The following PPP1R13B variants were observed in gnomAD, a reference collection of about 807,000 sequenced individuals.
PPP1R13B encodes the protein protein phosphatase 1 regulatory subunit 13B, also known as apoptosis-stimulating of p53 protein 1.
PPP1R13B carries 44 observed loss-of-function variants against 119.8 expected under a neutral mutation model. The observed-to-expected ratio is 0.37, with a 90% confidence interval of 0.29 to 0.47. The LOEUF (loss-of-function observed/expected upper bound fraction) is 0.47, where lower values mean the gene tolerates loss of function less well. Among genes scored for constraint, PPP1R13B ranks in the 20% least tolerant of loss-of-function variants. The pLI is 0.99. For synonymous variants in PPP1R13B, 542 were observed against 561.5 expected, an observed-to-expected ratio of 0.97 and a Z score of 0.49; for missense variants, 1,227 against 1,413.5, an observed-to-expected ratio of 0.87 and a Z score of 2.12.
intron 2 of PPP1R13B, among the ~76,000 whole-genome samples, chr14:103,787,977 G>A (rs1799715727): frequency 6.6e-6 from 1 of 151,878 alleles, no homozygotes; most frequent in African/African-American, 2.4e-5. Context: ...GCCGGGTGTG[G>A]TGGCACACAT....
chr14:103,811,094 CAAAAAAAAA>C (rs36017203), intron 1 of PPP1R13B, among the ~76,000 whole-genome samples: 1 of 65,844 alleles, frequency 1.5e-5, no homozygotes, highest in Admixed American at 2.2e-4. Context: ...GACTCCTCCT[CAAAAAAAAA>C]AAAAAAAAAA....
At chr14:103,838,239 G>C (rs200323169) in intron 1 of PPP1R13B, among the ~76,000 whole-genome samples, 16 of 138,160 alleles carry the variant, frequency 1.2e-4, no homozygotes, top group Admixed American at 6.6e-4. Context: ...CACACACACA[G>C]ACACACACAG....
chr14:103,812,024 C>T (rs1316143626), intron 1 of PPP1R13B, among the ~76,000 whole-genome samples: 3 of 123,832 alleles, frequency 2.4e-5, no homozygotes, highest in Non-Finnish European at 4.8e-5. Context: ...TGAGCCACTA[C>T]ACTCCACCCT....
intron 1 of PPP1R13B, among the ~76,000 whole-genome samples, chr14:103,815,437 T>C (rs2086254738): frequency 6.6e-6 from 1 of 152,182 alleles, no homozygotes; most frequent in Non-Finnish European, 1.5e-5. Context: ...ATGTGAATTA[T>C]GTACCAATAA....
intron 4 of PPP1R13B, among the ~76,000 whole-genome samples, chr14:103,765,940 G>C (rs1465267176): frequency 1.3e-5 from 2 of 151,558 alleles, no homozygotes; most frequent in East Asian, 1.9e-4. Flanking sequence ...CAAGTTTACA[G>C]TTGTCTTAGA....
intron 4 of PPP1R13B, among the ~76,000 whole-genome samples, chr14:103,778,221 TG>T (rs1368694076): frequency 1.7e-5 from 2 of 119,518 alleles, no homozygotes; most frequent in Admixed American, 7.9e-5. Flanking sequence ...CCCAAAATGC[TG>T]GGATTTACAG....
chr14:103,840,484 G>C (rs148468096), intron 1 of PPP1R13B, among the ~76,000 whole-genome samples: 2 of 152,278 alleles, frequency 1.3e-5, no homozygotes, highest in East Asian at 1.9e-4. Context: ...CTAAACTCCA[G>C]GTGGAAAAAA....
chr14:103,750,493 A>C (rs949016923), intron 7 of PPP1R13B, among the ~76,000 whole-genome samples: 1 of 152,200 alleles, frequency 6.6e-6, no homozygotes, highest in African/African-American at 2.4e-5. Context: ...GTACATACAC[A>C]CTTCCGTGTG....
At position 103,749,806 on chromosome 14, in the gene PPP1R13B, C is replaced by T. The variant is rs755783209; in HGVS notation, c.957G>A (p.Gly319=). ...CTTTTTCACATGCCTGAATTTTTTTCCCATAGAGACGTTCACGCAGTTCAC... is the reference window on the plus strand; with the variant it reads ...CTTTTTCACATGCCTGAATTTTTTTTCCATAGAGACGTTCACGCAGTTCAC... The part of the protein sequence containing the change: ...RISELRERLY[G]KKIQLNRVNG... Residue 319 remains glycine, a synonymous_variant, in exon 8 of 17, where the codon GGG becomes GGA. Transcript: ENST00000202556. 1 of 1,609,468 alleles carries T rather than the reference C, an allele frequency of 6.2e-7. No homozygotes were observed. The highest frequency in any genetic ancestry group is 8.5e-7 in the Non-Finnish European group (1 of 1,178,650).
chr14:103,757,536 T>C (rs746354522), intron 5 of PPP1R13B, 114 bp downstream of exon 5: 9 of 887,862 alleles, frequency 1.0e-5, no homozygotes, highest in African/African-American at 1.7e-5. Context: ...AGCACTCCTA[T>C]GGCATGGTCC....
chr14:103,784,520 T>C (rs1595767475), intron 3 of PPP1R13B, among the ~76,000 whole-genome samples: 2 of 140,452 alleles, frequency 1.4e-5, no homozygotes, highest in Admixed American at 7.6e-5. Flanking sequence ...GAGGTGGAGG[T>C]TGCAGTGAGC....
chr14:103,740,241 C>A lies in PPP1R13B; in HGVS notation c.2175G>T (p.Leu725=), dbSNP rs1415965409. 1.6e-5 allele frequency: 26 copies of A among 1,609,460 alleles called. 1 individual carries two copies. In the Admixed American group the frequency reaches 3.7e-4, roughly 23 times the overall value. The change falls in exon 12 of 17, where the codon CTG becomes CTT. Residue 725 remains leucine, a synonymous_variant. Coordinates refer to ENST00000202556, the MANE Select transcript of PPP1R13B (RefSeq NM_015316.3). This position sits in a 1 kb window ranked among gnomAD's most constrained non-coding sequence, Gnocchi z 4.6. ...EGPGGPNIQK[L]LYQRFNTLAG... is the part of the protein sequence containing the mutation. Reference sequence around the variant, plus strand: ...CCAGGGTGTTGAAGCGCTGGTACAGCAGCTTCTGGATGTTGGGCCCGCCGG... The same window carrying A: ...CCAGGGTGTTGAAGCGCTGGTACAGAAGCTTCTGGATGTTGGGCCCGCCGG...
chr14:103,776,176 G>A (rs1317829422), intron 4 of PPP1R13B, among the ~76,000 whole-genome samples: 2 of 98,998 alleles, frequency 2.0e-5, no homozygotes, highest in African/African-American at 9.6e-5. Context: ...GAAGGAGGGA[G>A]GGAGGGAGGG....
chr14:103,796,337 G>T (rs1213828019), intron 2 of PPP1R13B, among the ~76,000 whole-genome samples: 1 of 151,996 alleles, frequency 6.6e-6, no homozygotes, highest in Non-Finnish European at 1.5e-5. Flanking sequence ...TTTCTCCAGA[G>T]AAGATATAAA....
intron 2 of PPP1R13B, among the ~76,000 whole-genome samples, chr14:103,789,073 C>T (rs2085543872): frequency 6.6e-6 from 1 of 152,156 alleles, no homozygotes; most frequent in Non-Finnish European, 1.5e-5. Flanking sequence ...AACAAACAAG[C>T]TCTAGCTCTG....
chr14:103,846,265 G>A (rs534164212), intron 1 of PPP1R13B, among the ~76,000 whole-genome samples: 49 of 152,298 alleles, frequency 3.2e-4, no homozygotes, highest in African/African-American at 9.4e-4. Flanking sequence ...GTTAAAAACG[G>A]GGAGAAGAGA....
chr14:103,847,546 G>C lies in PPP1R13B; in HGVS notation c.-239C>G. 2 of 985,934 alleles carry C rather than the reference G, an allele frequency of 2.0e-6. No individual in the cohort carries two copies. The highest frequency in any genetic ancestry group is 2.4e-6 in the Non-Finnish European group (2 of 830,922). The allele number at this position is 985,934 out of a possible 1,614,324, so 61.1% of individuals were successfully genotyped here. ...CGCCGCCGCCGCCGCCTCAACCTCA[G>C]CCTCAGCCTCAGCCCCAGCCCGACA... On this transcript the variant is annotated 5_prime_UTR_variant, in exon 1 of 17. Transcript: ENST00000202556.
intron 6 of PPP1R13B, among the ~76,000 whole-genome samples, chr14:103,753,612 C>T (rs7141928): frequency 0.58 from 87,854 of 152,042 alleles, 27,276 homozygotes; most frequent in African/African-American, 0.83. Flanking sequence ...TCTTAATGCA[C>T]GGATACAAGT....
At chr14:103,797,154 T>A in intron 2 of PPP1R13B, 1 of 392,340 alleles carries the variant, frequency 2.5e-6, no homozygotes, top group Non-Finnish European at 4.5e-6. Context: ...TCCTGTGCAA[T>A]ATAATTACAT....
Sources: allele counts gnomAD v4.1 joint callset (sites outside exome capture counted in the v4.1 genomes callset), GRCh38; gene constraint gnomAD v4.1.1; non-coding constraint Gnocchi (gnomAD v3.1); transcripts MANE v1.5; gene names NCBI Gene and HGNC (gene_info 2026-07-23, HGNC 2026-07-21).